GMDS: variants seen among roughly 807,000 people sequenced by gnomAD.
The protein encoded by GMDS is GDP-mannose 4,6 dehydratase.
A neutral mutation model predicts 49.9 loss-of-function variants in GMDS; 20 were observed. The ratio of observed to expected loss-of-function variants is 0.40; its 90% CI spans 0.28 to 0.58. The LOEUF is 0.58. Ranked by LOEUF, GMDS falls within the 20% of genes least tolerant of loss-of-function variation. The probability of loss-of-function intolerance (pLI) is 0.42; values close to 1 mark genes in which losing one functional copy is unlikely to be tolerated. For missense variants in GMDS, 362 were observed against 481.4 expected (o/e 0.75, Z 2.32); for synonymous variants, 177 against 178.6 (o/e 0.99, Z 0.07).
intron 8 of GMDS, among the ~76,000 whole-genome samples, chr6:1,741,536 C>T (rs1265959576): frequency 5.3e-5 from 8 of 151,854 alleles, no homozygotes; most frequent in South Asian, 2.1e-4. Context: ...TTTGGCCAGG[C>T]GTGGTGGTTC....
intron 7 of GMDS, among the ~76,000 whole-genome samples, chr6:1,882,050 G>T (rs1759389942): frequency 6.6e-6 from 1 of 152,182 alleles, no homozygotes; most frequent in South Asian, 2.1e-4. Context: ...ATGTAAGTAG[G>T]TTTATTTCTG....
intron 7 of GMDS, among the ~76,000 whole-genome samples, chr6:1,810,345 G>A (rs1017604918): frequency 6.6e-6 from 1 of 152,136 alleles, no homozygotes; most frequent in Non-Finnish European, 1.5e-5. Context: ...CCAGGCTGGA[G>A]TGCAGTGACT....
chr6:2,116,320 G>C (rs573433252), intron 3 of GMDS, among the ~76,000 whole-genome samples: 12 of 152,202 alleles, frequency 7.9e-5, no homozygotes, highest in African/African-American at 2.9e-4. Flanking sequence ...TAATTTTCAA[G>C]TACTTTATAA....
chr6:2,061,123 T>C (rs1041483251), intron 4 of GMDS, among the ~76,000 whole-genome samples: 3 of 152,094 alleles, frequency 2.0e-5, no homozygotes, highest in Non-Finnish European at 4.4e-5. Context: ...TGCTGTGTCC[T>C]GGGTCTGCAA....
intron 7 of GMDS, among the ~76,000 whole-genome samples, chr6:1,791,432 G>C (rs1769537950): frequency 6.6e-6 from 1 of 152,142 alleles, no homozygotes; most frequent in East Asian, 1.9e-4. Flanking sequence ...TGGGCTGGGG[G>C]AGAGCTCTGA....
chr6:1,999,746 T>C (rs918709041), intron 4 of GMDS, among the ~76,000 whole-genome samples: 8 of 149,086 alleles, frequency 5.4e-5, no homozygotes, highest in Admixed American at 4.8e-4. Context: ...CTGTGAAAGA[T>C]AAGGAAATCT....
chr6:1,865,160 T>C (rs952104009), intron 7 of GMDS, among the ~76,000 whole-genome samples: 4 of 152,360 alleles, frequency 2.6e-5, no homozygotes, highest in South Asian at 4.1e-4. Context: ...CATAAACTGC[T>C]TTCTGTAAGA....
intron 7 of GMDS, among the ~76,000 whole-genome samples, chr6:1,758,038 T>C (rs1768016964): frequency 6.6e-6 from 1 of 152,200 alleles, no homozygotes; most frequent in African/African-American, 2.4e-5. Flanking sequence ...ACAATTTGAG[T>C]GCTCAGCAGA....
chr6:1,710,832 T>C (rs12199578), intron 9 of GMDS, among the ~76,000 whole-genome samples: 13,165 of 152,244 alleles, frequency 0.086, 723 homozygotes, highest in East Asian at 0.17. Flanking sequence ...GTCAAGCTCT[T>C]CCAAAGCACC....
At chr6:2,081,069 A>G (rs1373989167) in intron 4 of GMDS, among the ~76,000 whole-genome samples, 1 of 152,172 alleles carries the variant, frequency 6.6e-6, no homozygotes, top group African/African-American at 2.4e-5. Context: ...AAAACTCTTT[A>G]AATATTTTTA....
chr6:1,760,045 C>G (rs1178298027), intron 7 of GMDS, among the ~76,000 whole-genome samples: 1 of 152,142 alleles, frequency 6.6e-6, no homozygotes, highest in African/African-American at 2.4e-5. Flanking sequence ...GAGACTGTCA[C>G]CGGGGCGGAG....
chr6:1,954,600 T>C (rs1763531278), intron 6 of GMDS, among the ~76,000 whole-genome samples: 1 of 152,278 alleles, frequency 6.6e-6, no homozygotes, highest in Non-Finnish European at 1.5e-5. Flanking sequence ...TCACAGCATC[T>C]TCACCAGGAA....
intron 9 of GMDS, among the ~76,000 whole-genome samples, chr6:1,724,030 G>A (rs1196547305): frequency 2.0e-5 from 3 of 152,128 alleles, no homozygotes; most frequent in Non-Finnish European, 4.4e-5. Context: ...CCAAGTTTTA[G>A]GAAAACTTGT....
intron 8 of GMDS, among the ~76,000 whole-genome samples, chr6:1,728,411 T>C (rs1040332719): frequency 3.9e-5 from 6 of 152,194 alleles, no homozygotes; most frequent in East Asian, 1.9e-4. Context: ...ACTTGCGTGA[T>C]AGTACCTCCA....
intron 9 of GMDS, among the ~76,000 whole-genome samples, chr6:1,661,812 T>C (rs1177642499): frequency 6.6e-6 from 1 of 152,180 alleles, no homozygotes; most frequent in Non-Finnish European, 1.5e-5. Context: ...GCTTCAGCAT[T>C]CCCTGCTGCT....
chr6:1,743,610 G>A (rs1767371172), intron 7 of GMDS, among the ~76,000 whole-genome samples: 2 of 152,010 alleles, frequency 1.3e-5, no homozygotes, highest in South Asian at 4.1e-4. Flanking sequence ...GAGTCTGGTG[G>A]GCAAAAATGC....
chr6:1,861,408 G>A (rs1758176243), intron 7 of GMDS, among the ~76,000 whole-genome samples: 1 of 152,176 alleles, frequency 6.6e-6, no homozygotes, highest in Non-Finnish European at 1.5e-5. Context: ...CCAGTGTGGT[G>A]CAGCTGGGGA....
chr6:1,629,287 C>A (rs1034678774), intron 9 of GMDS, among the ~76,000 whole-genome samples: 1 of 152,188 alleles, frequency 6.6e-6, no homozygotes, highest in Non-Finnish European at 1.5e-5. Flanking sequence ...GTGTTAACAG[C>A]GGTAATGAAC....
chr6:1,676,322 A>G, intron 9 of GMDS, among the ~76,000 whole-genome samples: 1 of 152,274 alleles, frequency 6.6e-6, no homozygotes, highest in Non-Finnish European at 1.5e-5. Flanking sequence ...GCTCATGGAT[A>G]GGAAGAATCA....
Sources: gnomAD v4.1 joint callset for allele counts (sites outside exome capture counted in the v4.1 genomes callset) on GRCh38, gnomAD v4.1.1 for gene constraint, MANE v1.5 for transcripts, NCBI Gene and HGNC (gene_info 2026-07-23, HGNC 2026-07-21) for gene names.